The following UNC5D variants were observed in gnomAD, a reference collection of about 807,000 sequenced individuals.
UNC5D encodes the protein netrin receptor UNC5D.
UNC5D carries 39 observed loss-of-function variants against 105.4 expected under a neutral mutation model. The ratio of observed to expected loss-of-function variants is 0.37; its 90% CI spans 0.29 to 0.48. The LOEUF is 0.48. Among genes scored for constraint, UNC5D ranks in the 20% least tolerant of loss-of-function variants. The pLI, the probability that UNC5D is intolerant of heterozygous loss-of-function variation, is 0.98. For missense variants in UNC5D, 991 were observed against 1,202.4 expected, an observed-to-expected ratio of 0.82 and a Z score of 2.60; for synonymous variants, 452 against 450.4, an observed-to-expected ratio of 1.00 and a Z score of -0.04.
At chr8:35,410,914 C>T (rs1018235912) in intron 1 of UNC5D, among the ~76,000 whole-genome samples, 2 of 152,044 alleles carry the variant, frequency 1.3e-5, no homozygotes, top group African/African-American at 4.8e-5. Flanking sequence ...CCTTTGCACG[C>T]TATCATGAGA....
rs76893119 is a variant in UNC5D, at chr8:35,438,602, A to AT, written c.104-110679dup. Among the ~76,000 whole-genome samples the AT allele has an allele frequency of 2.1e-3, 315 of 147,986 alleles. 3 individuals are homozygous for AT. Among genetic ancestry groups the AT allele is most frequent in the Middle Eastern group, 0.014 (4 of 276 alleles). ...TCACCTTATTTGTGTGTGTGTACACATTTTTTTTTTTCCTGCAGAGAATAA... is the reference window on the plus strand; with the variant it reads ...TCACCTTATTTGTGTGTGTGTACACATTTTTTTTTTTTCCTGCAGAGAATAA... On this transcript the variant is annotated intron_variant, in intron 1 of 16. Coordinates refer to ENST00000404895, the MANE Select transcript of UNC5D (RefSeq NM_080872.4).
chr8:35,612,723 C>CTTTTTTTTTTTTTT (rs57450378), intron 4 of UNC5D, among the ~76,000 whole-genome samples: 674 of 64,800 alleles, frequency 0.01, 2 homozygotes, highest in Non-Finnish European at 0.013. Context: ...AATGTTTTGC[C>CTTTTTTTTTTTTTT]TTTTTTTTTT....
At chr8:35,517,528 A>C (rs1563492768) in intron 1 of UNC5D, among the ~76,000 whole-genome samples, 1 of 152,184 alleles carries the variant, frequency 6.6e-6, no homozygotes, top group Non-Finnish European at 1.5e-5. Context: ...AAAAGATTTA[A>C]AAGAGAGATC....
At chr8:35,688,085 T>C (rs923213469) in intron 7 of UNC5D, among the ~76,000 whole-genome samples, 5 of 151,826 alleles carry the variant, frequency 3.3e-5, no homozygotes, top group African/African-American at 9.7e-5. Context: ...TGAGCCGAGA[T>C]AGCACCACTG....
chr8:35,532,558 G>A (rs760824373), intron 1 of UNC5D, among the ~76,000 whole-genome samples: 173 of 42,778 alleles, frequency 4.0e-3, no homozygotes, highest in Non-Finnish European at 5.2e-3. Flanking sequence ...TATCTTTGTG[G>A]CGTTCTCTGT....
intron 1 of UNC5D, among the ~76,000 whole-genome samples, chr8:35,311,930 T>C (rs768389933): frequency 6.6e-6 from 1 of 152,150 alleles, no homozygotes; most frequent in Non-Finnish European, 1.5e-5. Context: ...TGGCATAATA[T>C]ATTTCCATCT....
In UNC5D at chr8:35,613,785, G is replaced by GT. The variant is rs1820847393; in HGVS notation, c.570+18130dup. ...AATACCTTGAACCTGGGAGGCGGAG[G>GT]TTGCAGTGAGCCAAGATGGTGCCAC... is the stretch of plus-strand genomic sequence containing the variant. On this transcript the variant is annotated intron_variant, in intron 4 of 16. Coordinates refer to ENST00000404895, the MANE Select transcript of UNC5D (RefSeq NM_080872.4). 3.3e-5 allele frequency among the ~76,000 whole-genome samples: 5 copies of GT among 152,268 alleles called. No homozygotes were observed. The South Asian group carries it at 1.0e-3, about 32-fold the overall frequency.
intron 4 of UNC5D, among the ~76,000 whole-genome samples, chr8:35,652,562 C>G (rs1823484295): frequency 6.6e-6 from 1 of 150,968 alleles, no homozygotes; most frequent in Admixed American, 6.6e-5. Flanking sequence ...AGCATAATTA[C>G]TTTTATTACA....
chr8:35,787,905 A>G (rs1286268774), intron 16 of UNC5D, among the ~76,000 whole-genome samples: 3 of 152,292 alleles, frequency 2.0e-5, no homozygotes, highest in South Asian at 4.1e-4. Context: ...AATTTCTTAA[A>G]TAAGAGGAAC....
intron 4 of UNC5D, among the ~76,000 whole-genome samples, chr8:35,664,063 C>G (rs1824275145): frequency 6.6e-6 from 1 of 152,160 alleles, no homozygotes; most frequent in Non-Finnish European, 1.5e-5. Flanking sequence ...TGCTGACATT[C>G]CAGATGTGAT....
intron 1 of UNC5D, among the ~76,000 whole-genome samples, chr8:35,470,643 T>C (rs1411435609): frequency 6.7e-6 from 1 of 149,454 alleles, no homozygotes; most frequent in East Asian, 2.0e-4. Flanking sequence ...TGGTGGTACA[T>C]GCCTTTAGGC....
intron 1 of UNC5D, among the ~76,000 whole-genome samples, chr8:35,336,804 CTTTATT>C (rs1198166668): frequency 9.2e-6 from 1 of 109,020 alleles, no homozygotes; most frequent in African/African-American, 3.3e-5. Flanking sequence ...TTTTTTTTTT[CTTTATT>C]TTTAGTTTAC....
intron 14 of UNC5D, among the ~76,000 whole-genome samples, chr8:35,760,040 C>CTTT (rs796124727): frequency 6.0e-5 from 8 of 132,940 alleles, no homozygotes; most frequent in African/African-American, 2.2e-4. Context: ...TTTACTTTTT[C>CTTT]TTTTTTTTTT....
intron 4 of UNC5D, among the ~76,000 whole-genome samples, chr8:35,620,430 G>T (rs951816035): frequency 3.3e-5 from 5 of 152,102 alleles, no homozygotes; most frequent in African/African-American, 1.2e-4. Context: ...AAGGTTCTTT[G>T]GTCCTGCAGT....
intron 1 of UNC5D, among the ~76,000 whole-genome samples, chr8:35,487,593 A>ACACACACACACACACACACACACACC (rs1415748793): frequency 2.7e-5 from 4 of 150,472 alleles, no homozygotes; most frequent in South Asian, 2.1e-4. Context: ...ACACACACAC[A>ACACACACACACACACACACACACACC]CCCCACAGAC....
chr8:35,789,404 A>G (rs1802924690), intron 16 of UNC5D, among the ~76,000 whole-genome samples: 1 of 151,516 alleles, frequency 6.6e-6, no homozygotes, highest in Non-Finnish European at 1.5e-5. Flanking sequence ...GGTAGTAAAC[A>G]TGGAGAGCAA....
At chr8:35,326,165 A>G (rs532178954) in intron 1 of UNC5D, among the ~76,000 whole-genome samples, 1 of 152,304 alleles carries the variant, frequency 6.6e-6, no homozygotes, top group Admixed American at 6.5e-5. Context: ...GGAGTTATTC[A>G]GGCCTAAGCG....
At chr8:35,449,120 T>C (rs1049297559) in intron 1 of UNC5D, among the ~76,000 whole-genome samples, 1 of 152,206 alleles carries the variant, frequency 6.6e-6, no homozygotes, top group African/African-American at 2.4e-5. Flanking sequence ...TGATGACATA[T>C]CTTTGATATC....
chr8:35,356,351 G>T (rs1424101623), intron 1 of UNC5D, among the ~76,000 whole-genome samples: 1 of 151,994 alleles, frequency 6.6e-6, no homozygotes, highest in Non-Finnish European at 1.5e-5. Context: ...ATCTTTTGGG[G>T]ATACATTCTA....
Sources: allele counts gnomAD v4.1 joint callset (sites outside exome capture counted in the v4.1 genomes callset), GRCh38; gene constraint gnomAD v4.1.1; transcripts MANE v1.5; gene names NCBI Gene and HGNC (gene_info 2026-07-23, HGNC 2026-07-21).